Variants in CDKAL1 observed in about 807,000 individuals in gnomAD.
The protein encoded by CDKAL1 is CDKAL1 threonylcarbamoyladenosine tRNA methylthiotransferase.
In CDKAL1, 32 loss-of-function variants were observed where a neutral mutation model predicts 68.2. The observed-to-expected ratio is 0.47, with a 90% CI of 0.35 to 0.63. The LOEUF (loss-of-function observed/expected upper bound fraction) is 0.63. Among genes scored for constraint, CDKAL1 ranks in the 30% least tolerant of loss-of-function variants. The pLI, the probability that CDKAL1 is intolerant of heterozygous loss-of-function variation, is 0.00. For synonymous variants in CDKAL1, 234 were observed against 244.3 expected (o/e 0.96, Z 0.39); for missense variants, 606 against 696.7 (o/e 0.87, Z 1.47).
At chr6:21,102,908 C>T (rs1208011855) in intron 12 of CDKAL1, among the ~76,000 whole-genome samples, 1 of 152,144 alleles carries the variant, frequency 6.6e-6, no homozygotes, top group Non-Finnish European at 1.5e-5. Context: ...GGCTCTCTAC[C>T]AGAAAGGGAG....
chr6:20,688,738 C>T (rs1309482607), intron 5 of CDKAL1, among the ~76,000 whole-genome samples: 1 of 152,160 alleles, frequency 6.6e-6, no homozygotes, highest in East Asian at 1.9e-4. Context: ...CACATTCTGC[C>T]ATATCTGAGT....
At chr6:21,220,558 C>A (rs73388001) in intron 15 of CDKAL1, among the ~76,000 whole-genome samples, 5,543 of 152,282 alleles carry the variant, frequency 0.036, 260 homozygotes, top group African/African-American at 0.11. Context: ...GCAAAGATTT[C>A]TATACTGTGT....
intron 15 of CDKAL1, among the ~76,000 whole-genome samples, chr6:21,225,956 AC>A (rs2151128397): frequency 6.6e-6 from 1 of 152,302 alleles, no homozygotes; most frequent in African/African-American, 2.4e-5. Context: ...CCTCATAAAA[AC>A]CCTATGATGC....
intron 4 of CDKAL1, among the ~76,000 whole-genome samples, chr6:20,587,805 A>G (rs1190394344): frequency 1.4e-5 from 2 of 141,268 alleles, no homozygotes; most frequent in Admixed American, 7.2e-5. Flanking sequence ...ACCAAAAAAA[A>G]CCCCCAGAAG....
chr6:20,752,968 G>C (rs1773993723), intron 6 of CDKAL1, among the ~76,000 whole-genome samples: 1 of 151,884 alleles, frequency 6.6e-6, no homozygotes, highest in South Asian at 2.1e-4. Context: ...TGGAACCTTT[G>C]ACCACTCCCA....
intron 9 of CDKAL1, among the ~76,000 whole-genome samples, chr6:20,910,667 CA>C (rs1762429965): frequency 6.6e-6 from 1 of 152,110 alleles, no homozygotes; most frequent in Admixed American, 6.5e-5. Context: ...AGTGTCACCC[CA>C]AAATACATAT....
chr6:20,558,724 T>C, intron 4 of CDKAL1: 1 of 386,796 alleles, frequency 2.6e-6, no homozygotes, highest in Non-Finnish European at 5.2e-6. Context: ...TTGTTCGAAG[T>C]TGTAGAAGAT....
intron 13 of CDKAL1, among the ~76,000 whole-genome samples, chr6:21,176,696 G>GTTTTTTTTTTTTTTT (rs1169908107): frequency 9.9e-6 from 1 of 100,520 alleles, no homozygotes; most frequent in African/African-American, 3.8e-5. Context: ...TTTTTTTTTT[G>GTTTTTTTTTTTTTTT]TTTTTTTTTT....
At chr6:21,012,968 G>A (rs1223919101) in intron 11 of CDKAL1, among the ~76,000 whole-genome samples, 2 of 152,156 alleles carry the variant, frequency 1.3e-5, no homozygotes, top group African/African-American at 2.4e-5. Context: ...ACAACTATAG[G>A]CAAAGGTCTT....
chr6:20,982,933 C>T (rs1181065133), intron 10 of CDKAL1, among the ~76,000 whole-genome samples: 1 of 152,170 alleles, frequency 6.6e-6, no homozygotes, highest in Non-Finnish European at 1.5e-5. Flanking sequence ...TTCTTCATCT[C>T]TCTTTACATG....
At chr6:20,558,457 T>G (rs1256864183) in intron 4 of CDKAL1, 1 of 448,950 alleles carries the variant, frequency 2.2e-6, no homozygotes, top group African/African-American at 2.0e-5. Flanking sequence ...CACATGGCAG[T>G]GCGGTCTGTA....
chr6:20,535,070 T>G (rs1763114973), intron 1 of CDKAL1: 1 of 152,228 alleles, frequency 6.6e-6, no homozygotes, highest in African/African-American at 2.4e-5. Context: ...CCTTATTGAC[T>G]TAATCCTGTT....
At chr6:21,195,359 C>T (rs1457932541) in intron 13 of CDKAL1, among the ~76,000 whole-genome samples, 1 of 152,092 alleles carries the variant, frequency 6.6e-6, no homozygotes, top group African/African-American at 2.4e-5. Context: ...AACAGGGTTT[C>T]ACCACGTTGG....
At chr6:20,892,107 G>C (rs1400897192) in intron 9 of CDKAL1, among the ~76,000 whole-genome samples, 1 of 152,096 alleles carries the variant, frequency 6.6e-6, no homozygotes, top group East Asian at 1.9e-4. Flanking sequence ...ACTTAAATTT[G>C]GTTAAGGTAA....
intron 4 of CDKAL1, among the ~76,000 whole-genome samples, chr6:20,618,391 T>C (rs7760508): frequency 0.19 from 29,599 of 152,148 alleles, 3,804 homozygotes; most frequent in African/African-American, 0.37. Flanking sequence ...GTAGTTTCTT[T>C]TGCTCTGCAG....
chr6:20,936,529 C>A (rs1409900995), intron 9 of CDKAL1, among the ~76,000 whole-genome samples: 1 of 151,612 alleles, frequency 6.6e-6, no homozygotes, highest in Non-Finnish European at 1.5e-5. Context: ...GGATTACAGG[C>A]GTGAGCCACC....
chr6:20,689,990 A>C (rs1770798104), intron 5 of CDKAL1, among the ~76,000 whole-genome samples: 1 of 152,224 alleles, frequency 6.6e-6, no homozygotes, highest in South Asian at 2.1e-4. Context: ...CAATTATGAA[A>C]AATAACTTTC....
intron 5 of CDKAL1, among the ~76,000 whole-genome samples, chr6:20,682,152 G>T (rs535611979): frequency 6.6e-6 from 1 of 152,126 alleles, no homozygotes; most frequent in Non-Finnish European, 1.5e-5. Flanking sequence ...ATATGAATTT[G>T]GGGGGGACAC....
rs537847754 is a variant in CDKAL1 at position 20,764,571 on chromosome 6, T to C, written c.517+5928T>C. Among the ~76,000 whole-genome samples the C allele has an allele frequency of 5.3e-5, 8 of 152,294 alleles. No homozygotes were observed. In the South Asian group the frequency reaches 1.4e-3, roughly 28 times the overall value. Reference sequence around the variant, plus strand: ...TTTTGTATTTTGCATGTGGTACTTATTTAGAGCATAAACTGTTCATAGGTT... The same window carrying C: ...TTTTGTATTTTGCATGTGGTACTTACTTAGAGCATAAACTGTTCATAGGTT... On this transcript the variant is annotated intron_variant, in intron 7 of 15. Coordinates refer to ENST00000274695, the MANE Select transcript of CDKAL1 (RefSeq NM_017774.3).
Sources: allele counts gnomAD v4.1 joint callset (sites outside exome capture counted in the v4.1 genomes callset), GRCh38; gene constraint gnomAD v4.1.1; transcripts MANE v1.5; gene names NCBI Gene and HGNC (gene_info 2026-07-23, HGNC 2026-07-21).